Variants in ZYG11B observed in about 807,000 individuals in gnomAD.
The protein encoded by ZYG11B is zyg-11 family member B, cell cycle regulator.
Under a neutral mutation model 82.4 loss-of-function variants are expected in ZYG11B, and 36 were observed. The ratio of observed to expected loss-of-function variants is 0.44; its 90% CI spans 0.33 to 0.58. The LOEUF (loss-of-function observed/expected upper bound fraction) is 0.58, where lower values mean the gene tolerates loss of function less well. ZYG11B is among the 20% of genes least tolerant of loss of function. The pLI, the probability that ZYG11B is intolerant of heterozygous loss-of-function variation, is 0.02. For missense variants in ZYG11B, 552 were observed against 895.6 expected, an observed-to-expected ratio of 0.62 and a Z score of 4.90; for synonymous variants, 303 against 312.8, an observed-to-expected ratio of 0.97 and a Z score of 0.33.
chr1:52,780,004 G>C lies in ZYG11B; in HGVS notation c.1092+11G>C, dbSNP rs766399421. 2 of 1,605,524 alleles carry C rather than the reference G, an allele frequency of 1.2e-6. No homozygotes were observed. The highest frequency in any genetic ancestry group is 2.2e-5 in the South Asian group (2 of 89,168). On this transcript the variant is annotated intron_variant, in intron 4 of 13. Coordinates refer to ENST00000294353, the MANE Select transcript of ZYG11B (RefSeq NM_024646.3). ...CCAGAAATTTTAAAGGTAAGAATAAGAAACTGGATATGAAATTTTTGAAAT... is the reference window on the plus strand; with the variant it reads ...CCAGAAATTTTAAAGGTAAGAATAACAAACTGGATATGAAATTTTTGAAAT...
At chr1:52,802,882 C>T (rs1233363463) in intron 10 of ZYG11B, among the ~76,000 whole-genome samples, 5 of 150,650 alleles carry the variant, frequency 3.3e-5, no homozygotes, top group Non-Finnish European at 5.9e-5. Flanking sequence ...TAGCTGGGTG[C>T]GGTGGCACGC....
intron 13 of ZYG11B, among the ~76,000 whole-genome samples, chr1:52,816,937 T>C (rs1645229821): frequency 6.6e-6 from 1 of 151,952 alleles, no homozygotes; most frequent in Admixed American, 6.6e-5. Context: ...ATCAGGCACC[T>C]GCCACCATGC....
chr1:52,770,578 A>G (rs1011096022), intron 2 of ZYG11B, among the ~76,000 whole-genome samples: 10 of 152,164 alleles, frequency 6.6e-5, no homozygotes, highest in African/African-American at 2.2e-4. Flanking sequence ...TTCTCCTCAT[A>G]TAACTATACT....
chr1:52,756,887 G>A (rs1265872459), intron 2 of ZYG11B, among the ~76,000 whole-genome samples: 2 of 146,360 alleles, frequency 1.4e-5, no homozygotes, highest in African/African-American at 2.5e-5. Flanking sequence ...GTGCAAACAC[G>A]GCTCACTGCA....
At chr1:52,785,324 C>T (rs1033770584) in intron 5 of ZYG11B, among the ~76,000 whole-genome samples, 10 of 152,182 alleles carry the variant, frequency 6.6e-5, no homozygotes, top group African/African-American at 2.4e-4. Flanking sequence ...CAGATAGGCA[C>T]AGAGGATCTG....
intron 12 of ZYG11B, among the ~76,000 whole-genome samples, chr1:52,814,559 T>C (rs1645208278): frequency 6.6e-6 from 1 of 152,176 alleles, no homozygotes; most frequent in South Asian, 2.1e-4. Context: ...TAGAATGTTA[T>C]GAAATTAAAG....
At chr1:52,801,648 T>C (rs921246106) in intron 8 of ZYG11B, among the ~76,000 whole-genome samples, 171 bp from the exon 9 acceptor site, 10 of 152,200 alleles carry the variant, frequency 6.6e-5, no homozygotes, top group African/African-American at 2.2e-4. Flanking sequence ...GAAAATCTTA[T>C]ACATTTTTCT....
chr1:52,812,222 C>G, intron 10 of ZYG11B, among the ~76,000 whole-genome samples: 1 of 151,570 alleles, frequency 6.6e-6, no homozygotes, highest in East Asian at 1.9e-4. Context: ...TTTTTCTGCC[C>G]CTTTGTATGC....
At chr1:52,780,186 A>C (rs1241994205) in intron 4 of ZYG11B, among the ~76,000 whole-genome samples, 193 bp downstream of exon 4, 1 of 152,222 alleles carries the variant, frequency 6.6e-6, no homozygotes, top group Non-Finnish European at 1.5e-5. Context: ...GCTTCACAAT[A>C]ATCTCATTAA....
chr1:52,783,886 GTACATACACGTGTGTGTATATACATCTA>G (rs1558132712), intron 4 of ZYG11B, among the ~76,000 whole-genome samples: 48 of 136,622 alleles, frequency 3.5e-4, no homozygotes, highest in African/African-American at 1.2e-3. Flanking sequence ...GTGTGTATAT[GTACATACACGTGTGTGTATATACATCTA>G]TACATATATG....
chr1:52,801,610 A>G (rs114561049), intron 8 of ZYG11B, among the ~76,000 whole-genome samples: 5,664 of 152,208 alleles, frequency 0.037, 324 homozygotes, highest in African/African-American at 0.13. Context: ...CATTATAGAT[A>G]TGATCAGAAT....
At chr1:52,728,229 G>T (rs1433840256) in intron 1 of ZYG11B, among the ~76,000 whole-genome samples, 2 of 152,272 alleles carry the variant, frequency 1.3e-5, no homozygotes, top group East Asian at 3.9e-4. Flanking sequence ...GAAATTTGAG[G>T]TAACTAGTGG....
intron 8 of ZYG11B, among the ~76,000 whole-genome samples, chr1:52,800,299 T>C (rs1645065583): frequency 6.6e-6 from 1 of 151,760 alleles, no homozygotes; most frequent in African/African-American, 2.4e-5. Context: ...GAAAAATGAT[T>C]AACTGAGGTA....
chr1:52,804,561 C>T (rs183373659), intron 10 of ZYG11B, among the ~76,000 whole-genome samples: 232 of 151,628 alleles, frequency 1.5e-3, no homozygotes, highest in African/African-American at 5.3e-3. Context: ...TGCTGTGAGC[C>T]GAGATTGCAC....
chr1:52,796,643 A>T, intron 7 of ZYG11B, 91 bp from the exon 8 acceptor site: 1 of 1,134,276 alleles, frequency 8.8e-7, no homozygotes, highest in Non-Finnish European at 1.3e-6. Context: ...CAGAGATTTT[A>T]GTCTCACCTT....
intron 8 of ZYG11B, among the ~76,000 whole-genome samples, chr1:52,798,141 T>A (rs189994136): frequency 9.8e-4 from 147 of 150,672 alleles, no homozygotes; most frequent in Middle Eastern, 3.5e-3. Flanking sequence ...CAACAAAAAA[T>A]TTTTTTTTGG....
intron 10 of ZYG11B, among the ~76,000 whole-genome samples, chr1:52,804,612 GAA>G (rs58226724): frequency 0.078 from 11,459 of 146,060 alleles, 722 homozygotes; most frequent in African/African-American, 0.18. Flanking sequence ...GACGGTCTCA[GAA>G]AAAAAAACAA....
intron 1 of ZYG11B, chr1:52,754,244 T>C (rs4562567): frequency 0.11 from 15,991 of 152,088 alleles, 1,879 homozygotes; most frequent in East Asian, 0.35. Context: ...AGGCTGGTCT[T>C]GAACTCCTGA....
chr1:52,760,255 C>T (rs1456606461), intron 2 of ZYG11B, among the ~76,000 whole-genome samples: 1 of 152,130 alleles, frequency 6.6e-6, no homozygotes, highest in African/African-American at 2.4e-5. Flanking sequence ...TCAGCCTGGC[C>T]AACATGGCAA....
Sources: gnomAD v4.1 joint callset for allele counts (sites outside exome capture counted in the v4.1 genomes callset) on GRCh38, gnomAD v4.1.1 for gene constraint, MANE v1.5 for transcripts, NCBI Gene and HGNC (gene_info 2026-07-23, HGNC 2026-07-21) for gene names.